ERBB4: variants seen among roughly 807,000 people sequenced by gnomAD.
ERBB4 encodes the protein receptor tyrosine-protein kinase erbB-4.
Under a neutral mutation model 158.0 loss-of-function variants are expected in ERBB4, and 42 were observed. The observed-to-expected ratio is 0.27, with a 90% confidence interval of 0.21 to 0.34. The LOEUF (loss-of-function observed/expected upper bound fraction) is 0.34. ERBB4 is among the 10% of genes least tolerant of loss of function. The pLI is 1.00. For missense variants in ERBB4, 1,333 were observed against 1,624.1 expected, an observed-to-expected ratio of 0.82 and a Z score of 3.08; for synonymous variants, 583 against 558.7, an observed-to-expected ratio of 1.04 and a Z score of -0.61.
chr2:211,524,369 A>G (rs12468834), intron 20 of ERBB4, among the ~76,000 whole-genome samples: 97,258 of 151,212 alleles, frequency 0.64, 31,761 homozygotes, highest in African/African-American at 0.75. Flanking sequence ...GTCCCACGCC[A>G]TGCGCCCACA....
At chr2:211,784,440 T>C (rs2076108827) in intron 4 of ERBB4, among the ~76,000 whole-genome samples, 3 of 152,256 alleles carry the variant, frequency 2.0e-5, no homozygotes, top group Admixed American at 2.0e-4. Context: ...CTCCTTCCTT[T>C]TTCAAGCTGG....
intron 1 of ERBB4, among the ~76,000 whole-genome samples, chr2:212,405,123 C>A (rs183007506): frequency 9.5e-4 from 144 of 151,816 alleles, no homozygotes; most frequent in African/African-American, 3.3e-3. Context: ...ATCCAGCATC[C>A]GTAAGGAACT....
At chr2:212,084,432 T>C (rs2125476095) in intron 2 of ERBB4, among the ~76,000 whole-genome samples, 1 of 152,044 alleles carries the variant, frequency 6.6e-6, no homozygotes, top group Non-Finnish European at 1.5e-5. Flanking sequence ...AAGGGCAATT[T>C]CCCTCTTACT....
At position 211,379,265 on chromosome 2, in the gene ERBB4, T is replaced by C. The variant is rs981996381; in HGVS notation, c.*4350A>G. ...TCTCTGCATAAGGTAATAGAACATT[T>C]ACATTTTCTTTACTTCATCTTGAAG... On this transcript the variant is annotated 3_prime_UTR_variant, in exon 28 of 28. Transcript: ENST00000342788. 2.2e-5 allele frequency: 5 copies of C among 229,294 alleles called. No individual in the cohort carries two copies. The highest frequency in any genetic ancestry group is 1.1e-4 in the African/African-American group (5 of 45,106). The allele number at this position is 229,294 out of a possible 1,614,324, so 14.2% of individuals were successfully genotyped here. A position where few individuals can be genotyped will look rare whatever the true frequency, so the allele number is the denominator to read the frequency against.
intron 19 of ERBB4, among the ~76,000 whole-genome samples, chr2:211,597,646 A>G (rs1440798026): frequency 1.3e-5 from 2 of 152,168 alleles, no homozygotes; most frequent in African/African-American, 4.8e-5. Context: ...ATTTCAGAAA[A>G]ATTACACAAT....
rs59536766 is a variant in ERBB4 at position 212,451,742 on chromosome 2, G to A, written c.82+86707C>T. Among the ~76,000 whole-genome samples the A allele has an allele frequency of 2.6e-4, 40 of 152,172 alleles. No homozygotes were observed. In the East Asian group the frequency reaches 5.8e-3, roughly 22 times the overall value. ...ACTCTAGTATCTGAAGTAATGTTCCGATATTTTCCAACATTTAAGTATAGC... is the reference window on the plus strand; with the variant it reads ...ACTCTAGTATCTGAAGTAATGTTCCAATATTTTCCAACATTTAAGTATAGC... On this transcript the variant is annotated intron_variant, in intron 1 of 27. Coordinates refer to ENST00000342788, the MANE Select transcript of ERBB4 (RefSeq NM_005235.3).
intron 1 of ERBB4, among the ~76,000 whole-genome samples, chr2:212,537,703 G>C (rs1693170612): frequency 6.6e-6 from 1 of 151,748 alleles, no homozygotes; most frequent in Non-Finnish European, 1.5e-5. Context: ...AGCCAAACAC[G>C]GCAACCGACG....
chr2:211,950,484 G>T (rs1455368199), intron 2 of ERBB4, among the ~76,000 whole-genome samples: 2 of 152,032 alleles, frequency 1.3e-5, no homozygotes, highest in Non-Finnish European at 2.9e-5. Context: ...CTGTCAAAAT[G>T]GGAAAATATA....
chr2:211,811,549 G>C (rs1005246809), intron 3 of ERBB4, among the ~76,000 whole-genome samples: 2 of 152,062 alleles, frequency 1.3e-5, no homozygotes, highest in African/African-American at 4.8e-5. Context: ...TCCTGAATTT[G>C]AATGTTGGCC....
intron 2 of ERBB4, among the ~76,000 whole-genome samples, chr2:212,016,221 A>T (rs1575520915): frequency 6.6e-6 from 1 of 152,012 alleles, no homozygotes; most frequent in Non-Finnish European, 1.5e-5. Context: ...CATCAGGGGA[A>T]CCCTGTGATA....
intron 1 of ERBB4, among the ~76,000 whole-genome samples, chr2:212,381,764 T>G (rs2090511150): frequency 6.6e-6 from 1 of 151,364 alleles, no homozygotes; most frequent in Non-Finnish European, 1.5e-5. Flanking sequence ...ATAAATGCAT[T>G]ATATACCCTC....
chr2:212,217,925 A>G (rs2083154710), intron 1 of ERBB4, among the ~76,000 whole-genome samples: 1 of 151,290 alleles, frequency 6.6e-6, no homozygotes, highest in African/African-American at 2.4e-5. Flanking sequence ...GTGCACTTAA[A>G]TCTTAAGACA....
intron 1 of ERBB4, among the ~76,000 whole-genome samples, chr2:212,201,940 T>C (rs1426826608): frequency 6.6e-6 from 1 of 152,206 alleles, no homozygotes; most frequent in African/African-American, 2.4e-5. Flanking sequence ...ATTGGTATGT[T>C]TGTGTATGAG....
intron 2 of ERBB4, among the ~76,000 whole-genome samples, chr2:211,983,442 A>G (rs2125236213): frequency 6.6e-6 from 1 of 152,332 alleles, no homozygotes; most frequent in East Asian, 1.9e-4. Context: ...CAATAAGATC[A>G]TTGTATAGCT....
chr2:212,187,906 C>A (rs2082063314), intron 1 of ERBB4, among the ~76,000 whole-genome samples: 1 of 151,942 alleles, frequency 6.6e-6, no homozygotes, highest in South Asian at 2.1e-4. Flanking sequence ...AATATGTTAC[C>A]ACTCATTAAA....
At chr2:211,496,808 G>C (rs890945800) in intron 20 of ERBB4, among the ~76,000 whole-genome samples, 2 of 152,036 alleles carry the variant, frequency 1.3e-5, no homozygotes, top group African/African-American at 4.8e-5. Context: ...TTTTGCCTGG[G>C]TTATCCTCCA....
chr2:211,959,066 C>T (rs942710707), intron 2 of ERBB4, among the ~76,000 whole-genome samples: 2 of 152,028 alleles, frequency 1.3e-5, no homozygotes, highest in Non-Finnish European at 2.9e-5. Flanking sequence ...CTTGACTTTT[C>T]TTCCTCAAAA....
At chr2:211,573,830 C>A (rs2067813435) in intron 19 of ERBB4, among the ~76,000 whole-genome samples, 1 of 152,108 alleles carries the variant, frequency 6.6e-6, no homozygotes, top group Admixed American at 6.6e-5. Context: ...GCAACAAGAA[C>A]TGATTTATTG....
At chr2:212,410,419 T>C (rs2091463637) in intron 1 of ERBB4, among the ~76,000 whole-genome samples, 2 of 152,122 alleles carry the variant, frequency 1.3e-5, no homozygotes, top group East Asian at 1.9e-4. Context: ...ATATGGAACA[T>C]ATGTATGTAT....
Sources: gnomAD v4.1 joint callset for allele counts (sites outside exome capture counted in the v4.1 genomes callset) on GRCh38, gnomAD v4.1.1 for gene constraint, MANE v1.5 for transcripts, NCBI Gene and HGNC (gene_info 2026-07-23, HGNC 2026-07-21) for gene names.